Variants in AFF1 observed in about 807,000 individuals in gnomAD.
AFF1 encodes AF4/FMR2 family member 1.
A neutral mutation model predicts 121.7 loss-of-function variants in AFF1; 48 were observed. The observed-to-expected ratio is 0.39, with a 90% CI of 0.31 to 0.50. The LOEUF is 0.50. AFF1 is among the 20% of genes least tolerant of loss of function. The probability of loss-of-function intolerance (pLI) is 0.76; values close to 1 mark genes in which losing one functional copy is unlikely to be tolerated. For missense variants in AFF1, 1,523 were observed against 1,511.7 expected (o/e 1.01, Z -0.12); for synonymous variants, 613 against 563.0 (o/e 1.09, Z -1.26).
At chr4:87,075,231 G>GT (rs930640588) in intron 4 of AFF1, among the ~76,000 whole-genome samples, 13 of 151,904 alleles carry the variant, frequency 8.6e-5, no homozygotes, top group South Asian at 8.3e-4. Context: ...GATTTAGTGG[G>GT]TTTTTTTAGC....
At position 87,125,059 on chromosome 4, in the gene AFF1, A is replaced by G. The variant is rs1305535520; in HGVS notation, c.2489A>G (p.Asp830Gly). 2.5e-6 allele frequency: 4 copies of G among 1,607,700 alleles called. No homozygotes were observed. Among genetic ancestry groups the G allele is most frequent in the South Asian group, 2.2e-5 (2 of 89,962 alleles). ...KRKGEAERDC[D>G]NKKIRLEKEI... is the part of the protein sequence containing the mutation. ...TAGGGTGAAGCAGAAAGAGACTGTG[A>G]TAACAAGAAAATCAGACTGGAGAAG... The change falls in exon 13 of 21, where the codon GAT (aspartate) becomes GGT (glycine). Residue 830 changes from aspartate (D) to glycine (G), a missense_variant. Asp to Gly is a moderately conservative substitution (Grantham distance 94). Transcript: ENST00000395146.
intron 2 of AFF1, among the ~76,000 whole-genome samples, chr4:86,987,137 A>G (rs1369352538): frequency 6.6e-6 from 1 of 152,152 alleles, no homozygotes; most frequent in African/African-American, 2.4e-5. Context: ...GAAAACCCTT[A>G]TCCTGAATTT....
At position 86,955,872 on chromosome 4, in the gene AFF1, C is replaced by G. The variant is rs1053643989; in HGVS notation, c.38+7301C>G. On this transcript the variant is annotated intron_variant, in intron 2 of 20. Transcript: ENST00000395146. Reference sequence around the variant, plus strand: ...GAATACTGTAGCCCCTGGAAGCTCTCCTTTTCGAGTTTGAATTGATGTTTA... The same window carrying G: ...GAATACTGTAGCCCCTGGAAGCTCTGCTTTTCGAGTTTGAATTGATGTTTA... 3.9e-5 allele frequency among the ~76,000 whole-genome samples: 6 copies of G among 152,256 alleles called. No individual in the cohort carries two copies. The South Asian group carries it at 1.2e-3, about 32-fold the overall frequency.
At chr4:86,953,363 G>A (rs1001546533) in intron 2 of AFF1, among the ~76,000 whole-genome samples, 1 of 152,180 alleles carries the variant, frequency 6.6e-6, no homozygotes, top group Non-Finnish European at 1.5e-5. Context: ...ACTGGTCCAG[G>A]ACTAGGATAT....
chr4:86,950,145 G>A (rs765825639), intron 2 of AFF1: 20 of 1,516,274 alleles, frequency 1.3e-5, no homozygotes, highest in Admixed American at 1.0e-4. Context: ...GGCCAGCACC[G>A]GACAAGGCAG....
chr4:87,084,796 C>T (rs992209099), intron 5 of AFF1, among the ~76,000 whole-genome samples: 6 of 152,128 alleles, frequency 3.9e-5, no homozygotes, highest in African/African-American at 1.2e-4. Flanking sequence ...TGGCATCTCT[C>T]GTTAAGTTTT....
rs1161482707 is a variant in AFF1, at chr4:87,105,805, T to C, written c.1339-3T>C. ...CTTTCTTCCCCTTATTGTGAATGCC[T>C]AGACCCCAGAGAAGCCTCCCTCCTC... On this transcript the variant is annotated splice_region_variant and splice_polypyrimidine_tract_variant and intron_variant, in intron 9 of 20. Coordinates refer to ENST00000395146, the MANE Select transcript of AFF1 (RefSeq NM_001166693.3). 2 of 1,614,042 alleles carry C rather than the reference T, an allele frequency of 1.2e-6. No individual in the cohort carries two copies. The highest frequency in any genetic ancestry group is 1.7e-6 in the Non-Finnish European group (2 of 1,180,022).
At position 87,100,726 on chromosome 4, in the gene AFF1, T is replaced by C. The variant is rs1407616444; in HGVS notation, c.1284-4902T>C. ...GAAGGAAAGATTCTACACGATAAAC[T>C]TGATTGAATACCTATATACAGTATT... On this transcript the variant is annotated intron_variant, in intron 8 of 20. Coordinates refer to ENST00000395146, the MANE Select transcript of AFF1 (RefSeq NM_001166693.3). Among the ~76,000 whole-genome samples the C allele has an allele frequency of 2.0e-5, 3 of 152,206 alleles. No individual in the cohort carries two copies. The East Asian group carries it at 5.8e-4, about 29-fold the overall frequency.
At position 87,139,307 on chromosome 4, in the gene AFF1, G is replaced by A. The variant is rs1297379291; in HGVS notation, c.*3606G>A. The A allele has an allele frequency of 4.3e-6, 1 of 232,918 alleles. No individual in the cohort carries two copies. Among genetic ancestry groups the A allele is most frequent in the Admixed American group, 5.6e-5 (1 of 17,766 alleles). 14.4% of individuals were successfully genotyped at this position (232,918 alleles called of 1,614,324 possible). ...AGTTGTATTTGTGCATCTTAAAGTA[G>A]GTTGAGGCTTGAGGCTGGGCTTTCG... On this transcript the variant is annotated 3_prime_UTR_variant, in exon 21 of 21. Transcript: ENST00000395146.
intron 2 of AFF1, among the ~76,000 whole-genome samples, chr4:87,042,411 A>G (rs552423703): frequency 3.4e-4 from 52 of 152,308 alleles, no homozygotes; most frequent in African/African-American, 1.2e-3. Context: ...TACTCTGTGA[A>G]CTTCCTGCCT....
chr4:87,035,522 C>T (rs62306508), intron 2 of AFF1, among the ~76,000 whole-genome samples: 20,402 of 151,562 alleles, frequency 0.13, 1,854 homozygotes, highest in Middle Eastern at 0.23. Context: ...GATCGCGCCA[C>T]TGCACTCCAG....
intron 2 of AFF1, among the ~76,000 whole-genome samples, chr4:87,020,001 C>G (rs1013273064): frequency 2.5e-4 from 10 of 39,330 alleles, no homozygotes; most frequent in African/African-American, 5.7e-4. Flanking sequence ...CAGAAGTCTT[C>G]TGTGTTGACG....
intron 2 of AFF1, among the ~76,000 whole-genome samples, chr4:86,987,464 G>T (rs1276708689): frequency 6.6e-6 from 1 of 152,086 alleles, no homozygotes; most frequent in Non-Finnish European, 1.5e-5. Flanking sequence ...GTCATTTAGG[G>T]TCTTGATAAC....
At chr4:86,982,619 C>G (rs1723847027) in intron 2 of AFF1, among the ~76,000 whole-genome samples, 1 of 151,106 alleles carries the variant, frequency 6.6e-6, no homozygotes, top group Non-Finnish European at 1.5e-5. Flanking sequence ...CTAAGGCAGA[C>G]AGATCACCTG....
rs950485689 is a variant in AFF1, at chr4:87,105,499, TAATA to T, written c.1284-122_1284-119del. On this transcript the variant is annotated intron_variant, in intron 8 of 20. Transcript: ENST00000395146. ...AACATTTTCAGGAAGTCACAGCCTT[TAATA>T]AATAAAGAAAACTTACACATATCCT... 2.2e-4 allele frequency: 211 copies of T among 953,804 alleles called. 2 individuals are homozygous for T. The highest frequency in any genetic ancestry group is 1.0e-3 in the African/African-American group (63 of 60,624). 59.1% of individuals were successfully genotyped at this position (953,804 alleles called of 1,614,324 possible). A position where few individuals can be genotyped will look rare whatever the true frequency, so the allele number is the denominator to read the frequency against.
Position 87,079,117 on chromosome 4 carries a change from C to T in AFF1, c.1060-5003C>T, listed in dbSNP as rs1031674596. On this transcript the variant is annotated intron_variant, in intron 4 of 20. Transcript: ENST00000395146. ...GAATCCAAGATCTTTTGGCTTCCCT[C>T]GTCAGCACATTGCCTTTGTGCTCTC... 8.5e-5 allele frequency among the ~76,000 whole-genome samples: 13 copies of T among 152,168 alleles called. No homozygotes were observed. In the East Asian group the frequency reaches 2.3e-3, roughly 27 times the overall value.
At chr4:87,073,722 T>C (rs1297114014) in intron 4 of AFF1, among the ~76,000 whole-genome samples, 1 of 152,214 alleles carries the variant, frequency 6.6e-6, no homozygotes, top group South Asian at 2.1e-4. Flanking sequence ...TTCTTCTTCC[T>C]TTTTCTGGTG....
chr4:87,041,946 C>T (rs1459330734), intron 2 of AFF1, among the ~76,000 whole-genome samples: 1 of 149,594 alleles, frequency 6.7e-6, no homozygotes, highest in Non-Finnish European at 1.5e-5. Context: ...ACCCAGGAGG[C>T]AGAGGTTGCA....
intron 2 of AFF1, among the ~76,000 whole-genome samples, chr4:86,988,792 A>G (rs1724486579): frequency 6.6e-6 from 1 of 152,212 alleles, no homozygotes; most frequent in African/African-American, 2.4e-5. Flanking sequence ...AAACTATACT[A>G]CAAGGCTACG....
Sources: gnomAD v4.1 joint callset for allele counts (sites outside exome capture counted in the v4.1 genomes callset) on GRCh38, gnomAD v4.1.1 for gene constraint, MANE v1.5 for transcripts, NCBI Gene and HGNC (gene_info 2026-07-23, HGNC 2026-07-21) for gene names.